Variants in CCSER1 observed in about 807,000 individuals in gnomAD.
The protein encoded by CCSER1 is serine-rich coiled-coil domain-containing protein 1.
In CCSER1, 41 loss-of-function variants were observed where a neutral mutation model predicts 82.0. The observed-to-expected ratio is 0.50, with a 90% CI of 0.39 to 0.65. The LOEUF is 0.65. CCSER1 is among the 30% of genes least tolerant of loss of function. The pLI is 0.00. For synonymous variants in CCSER1, 414 were observed against 383.9 expected, an observed-to-expected ratio of 1.08 and a Z score of -0.92; for missense variants, 1,119 against 1,064.2, an observed-to-expected ratio of 1.05 and a Z score of -0.72.
chr4:90,537,418 T>G (rs181599542), intron 5 of CCSER1, among the ~76,000 whole-genome samples: 132 of 152,260 alleles, frequency 8.7e-4, no homozygotes, highest in African/African-American at 2.9e-3. Flanking sequence ...TTATAATGTA[T>G]TCTTCATTTC....
intron 5 of CCSER1, among the ~76,000 whole-genome samples, chr4:90,614,947 G>A (rs573363636): frequency 1.4e-3 from 218 of 152,252 alleles, no homozygotes; most frequent in African/African-American, 5.0e-3. Flanking sequence ...CCAAGGACAG[G>A]CTGACTCTCT....
chr4:90,650,166 G>A (rs1273783239), intron 6 of CCSER1, among the ~76,000 whole-genome samples: 2 of 151,992 alleles, frequency 1.3e-5, no homozygotes, highest in African/African-American at 4.8e-5. Context: ...GCAGTGAGCC[G>A]AGGTTGCACC....
chr4:91,163,478 G>A (rs773256420), intron 10 of CCSER1, among the ~76,000 whole-genome samples: 2 of 152,060 alleles, frequency 1.3e-5, no homozygotes, highest in Non-Finnish European at 2.9e-5. Flanking sequence ...TCAATTCCTG[G>A]ATATCCTTGT....
At chr4:90,640,863 T>G (rs961823919) in intron 6 of CCSER1, among the ~76,000 whole-genome samples, 1 of 152,206 alleles carries the variant, frequency 6.6e-6, no homozygotes, top group Non-Finnish European at 1.5e-5. Context: ...TGCTGAATTA[T>G]GAGTCAAACA....
intron 10 of CCSER1, among the ~76,000 whole-genome samples, chr4:91,496,696 C>CAATATTG (rs1553946278): frequency 6.7e-5 from 1 of 15,030 alleles, no homozygotes. Flanking sequence ...TATATATATT[C>CAATATTG]AATATATATA....
intron 1 of CCSER1, among the ~76,000 whole-genome samples, chr4:90,269,248 A>G (rs539131210): frequency 6.6e-6 from 1 of 152,286 alleles, no homozygotes; most frequent in Middle Eastern, 3.4e-3. Flanking sequence ...TCTCCTTAGC[A>G]CAGGGATCAT....
intron 9 of CCSER1, among the ~76,000 whole-genome samples, chr4:90,990,975 C>T (rs570244004): frequency 1.2e-4 from 18 of 151,958 alleles, no homozygotes; most frequent in African/African-American, 4.1e-4. Flanking sequence ...GTGATCAGAT[C>T]GCAAGGAGCT....
At chr4:90,429,943 A>G (rs1276584480) in intron 4 of CCSER1, among the ~76,000 whole-genome samples, 1 of 151,882 alleles carries the variant, frequency 6.6e-6, no homozygotes, top group African/African-American at 2.4e-5. Flanking sequence ...TAATTTCAGC[A>G]GACACTATGT....
chr4:90,482,563 T>C (rs562523905), intron 5 of CCSER1, among the ~76,000 whole-genome samples: 1 of 152,246 alleles, frequency 6.6e-6, no homozygotes, highest in South Asian at 2.1e-4. Context: ...GAGATTCTGG[T>C]ATGTTGTGTC....
At chr4:90,418,247 T>C (rs1451196764) in intron 4 of CCSER1, among the ~76,000 whole-genome samples, 3 of 152,102 alleles carry the variant, frequency 2.0e-5, no homozygotes, top group Admixed American at 6.5e-5. Context: ...TAAGAACTAC[T>C]GCTAATACCA....
intron 8 of CCSER1, among the ~76,000 whole-genome samples, chr4:90,844,905 T>A (rs989698079): frequency 6.6e-6 from 1 of 152,198 alleles, no homozygotes; most frequent in African/African-American, 2.4e-5. Flanking sequence ...ATAGTCTCTG[T>A]CTCAATTAAA....
rs1292299153 is a variant in CCSER1 at position 91,014,385 on chromosome 4, C to A, written c.2173-71565C>A. Among the ~76,000 whole-genome samples the A allele has an allele frequency of 1.5e-5, 2 of 134,794 alleles. 1 individual carries two copies. Among genetic ancestry groups the A allele is most frequent in the Non-Finnish European group, 3.5e-5 (2 of 57,960 alleles). 88.4% of individuals were successfully genotyped at this position (134,794 alleles called of 152,430 possible). On this transcript the variant is annotated intron_variant, in intron 9 of 10. Coordinates refer to ENST00000509176, the MANE Select transcript of CCSER1 (RefSeq NM_001145065.2). ...TTTATCTGTTATTAATTTATTGTTT[C>A]TCCTACCCTTAGAGTACCTCTGGTC...
At chr4:91,217,471 G>T (rs1032910891) in intron 10 of CCSER1, among the ~76,000 whole-genome samples, 11 of 152,164 alleles carry the variant, frequency 7.2e-5, no homozygotes, top group Non-Finnish European at 1.0e-4. Context: ...AGTGTGGATT[G>T]GTGCATTCAC....
chr4:90,598,407 T>C (rs1342178622), intron 5 of CCSER1, among the ~76,000 whole-genome samples: 3 of 152,174 alleles, frequency 2.0e-5, no homozygotes, highest in South Asian at 2.1e-4. Context: ...CTCCTCATGC[T>C]GCACCAATTT....
intron 10 of CCSER1, among the ~76,000 whole-genome samples, chr4:91,151,629 C>G (rs1008173708): frequency 2.6e-5 from 4 of 152,208 alleles, no homozygotes; most frequent in African/African-American, 9.7e-5. Context: ...AAATTTCCCT[C>G]TACACACTGC....
chr4:91,218,654 C>T (rs1300002476), intron 10 of CCSER1, among the ~76,000 whole-genome samples: 3 of 152,202 alleles, frequency 2.0e-5, no homozygotes, highest in African/African-American at 7.2e-5. Flanking sequence ...AACTGTTGTT[C>T]TTGTATACTT....
intron 10 of CCSER1, among the ~76,000 whole-genome samples, chr4:91,218,310 G>A (rs540750315): frequency 6.3e-4 from 96 of 152,314 alleles, no homozygotes; most frequent in African/African-American, 2.0e-3. Flanking sequence ...CAGCTGGCCC[G>A]CAAGGGCCGC....
intron 8 of CCSER1, among the ~76,000 whole-genome samples, chr4:90,835,591 G>C (rs1403499196): frequency 6.6e-6 from 1 of 151,998 alleles, no homozygotes; most frequent in Non-Finnish European, 1.5e-5. Context: ...TGCCCCCTGA[G>C]CATATTTTAT....
chr4:91,528,487 T>A (rs1380986410), intron 10 of CCSER1, among the ~76,000 whole-genome samples: 1 of 152,136 alleles, frequency 6.6e-6, no homozygotes, highest in Non-Finnish European at 1.5e-5. Context: ...AAAAGAGACA[T>A]ATTTCCAAAA....
Sources: allele counts gnomAD v4.1 joint callset (sites outside exome capture counted in the v4.1 genomes callset), GRCh38; gene constraint gnomAD v4.1.1; transcripts MANE v1.5; gene names NCBI Gene and HGNC (gene_info 2026-07-23, HGNC 2026-07-21).